Variants in FAM81A observed in about 807,000 individuals in gnomAD.
FAM81A encodes family with sequence similarity 81 member A.
Under a neutral mutation model 46.7 loss-of-function variants are expected in FAM81A, and 19 were observed. The ratio of observed to expected loss-of-function variants is 0.41; its 90% CI spans 0.28 to 0.60. The LOEUF (loss-of-function observed/expected upper bound fraction) is 0.60, where lower values mean the gene tolerates loss of function less well. Among genes scored for constraint, FAM81A ranks in the 20% least tolerant of loss-of-function variants. The probability of loss-of-function intolerance (pLI) is 0.34; values close to 1 mark genes in which losing one functional copy is unlikely to be tolerated. For missense variants in FAM81A, 377 were observed against 453.5 expected, an observed-to-expected ratio of 0.83 and a Z score of 1.53; for synonymous variants, 183 against 152.9, an observed-to-expected ratio of 1.20 and a Z score of -1.45.
chr15:59,442,808 CACAT>C (rs1221142191), intron 1 of FAM81A, among the ~76,000 whole-genome samples: 7 of 152,120 alleles, frequency 4.6e-5, no homozygotes, highest in Non-Finnish European at 7.3e-5. Flanking sequence ...TTTATTCACA[CACAT>C]ATGTATGAAC....
chr15:59,489,636 C>G (rs916578685), intron 3 of FAM81A, among the ~76,000 whole-genome samples: 1 of 152,142 alleles, frequency 6.6e-6, no homozygotes, highest in Non-Finnish European at 1.5e-5. Flanking sequence ...GGAGAGGTCA[C>G]ATTACCTGAC....
At chr15:59,475,861 GAATTGCTGTCTTATAGCCAAACTT>G (rs1324492213) in intron 3 of FAM81A, among the ~76,000 whole-genome samples, 2 of 152,208 alleles carry the variant, frequency 1.3e-5, no homozygotes, top group African/African-American at 4.8e-5. Flanking sequence ...TGACAGATCA[GAATTGCTGTCTTATAGCCAAACTT>G]CATTAAAATG....
chr15:59,463,693 T>C (rs1310805539), intron 3 of FAM81A, among the ~76,000 whole-genome samples: 1 of 151,568 alleles, frequency 6.6e-6, no homozygotes, highest in African/African-American at 2.4e-5. Flanking sequence ...AAAATAACAA[T>C]AATAATAATA....
upstream of FAM81A, among the ~76,000 whole-genome samples, chr15:59,436,295 C>G (rs1291461754): frequency 2.0e-5 from 3 of 152,004 alleles, no homozygotes; most frequent in Non-Finnish European, 4.4e-5. Context: ...GGCACTTCCT[C>G]TGTTTTATAG....
At position 59,466,084 on chromosome 15, in the gene FAM81A, ACATTTTCTTAATCCAGTCTAT is replaced by A. The variant is rs546832740; in HGVS notation, c.294+5881_294+5901del. 1.9e-4 allele frequency among the ~76,000 whole-genome samples: 29 copies of A among 152,346 alleles called. No homozygotes were observed. In the South Asian group the frequency reaches 6.0e-3, roughly 32 times the overall value. ...TAGTATTTCATGGTGTATATGTGCC[ACATTTTCTTAATCCAGTCTAT>A]CACTGATGGACATTTGGGTTGGTTC... is the stretch of plus-strand genomic sequence containing the variant. On this transcript the variant is annotated intron_variant, in intron 3 of 8. Transcript: ENST00000288228.
chr15:59,495,474 G>A (rs1221655732), intron 4 of FAM81A, among the ~76,000 whole-genome samples: 1 of 152,194 alleles, frequency 6.6e-6, no homozygotes, highest in Non-Finnish European at 1.5e-5. Context: ...ATGCTGCTGT[G>A]AACATTTGTC....
At chr15:59,448,399 C>G (rs1199341441) in intron 1 of FAM81A, among the ~76,000 whole-genome samples, 1 of 152,084 alleles carries the variant, frequency 6.6e-6, no homozygotes, top group Non-Finnish European at 1.5e-5. Flanking sequence ...TTGCAGTGTC[C>G]TTTAAACTCA....
At chr15:59,480,596 G>T (rs1034664663) in intron 3 of FAM81A, among the ~76,000 whole-genome samples, 3 of 152,136 alleles carry the variant, frequency 2.0e-5, no homozygotes, top group Non-Finnish European at 4.4e-5. Context: ...TTTATTGTGT[G>T]CACCTGGACA....
At chr15:59,487,663 G>C (rs1412048606) in intron 3 of FAM81A, among the ~76,000 whole-genome samples, 1 of 152,000 alleles carries the variant, frequency 6.6e-6, no homozygotes, top group Non-Finnish European at 1.5e-5. Flanking sequence ...AGAAGAAATG[G>C]ATAAATTCTT....
intron 3 of FAM81A, among the ~76,000 whole-genome samples, chr15:59,481,154 T>C (rs938859422): frequency 2.0e-5 from 3 of 151,860 alleles, no homozygotes; most frequent in African/African-American, 7.3e-5. Context: ...ACCACAACTC[T>C]TGGCTAATTA....
intron 3 of FAM81A, among the ~76,000 whole-genome samples, chr15:59,472,997 G>A (rs1016138106): frequency 6.6e-6 from 1 of 152,094 alleles, no homozygotes; most frequent in East Asian, 1.9e-4. Flanking sequence ...GTACAAAATT[G>A]AAGAACCCCA....
chr15:59,493,370 CCTT>C (rs367865331), intron 4 of FAM81A, among the ~76,000 whole-genome samples: 20 of 152,282 alleles, frequency 1.3e-4, no homozygotes, highest in African/African-American at 4.3e-4. Context: ...TGATCACTCT[CCTT>C]CTGTGATTTT....
intron 2 of FAM81A, among the ~76,000 whole-genome samples, chr15:59,421,534 T>C (rs17302379): frequency 0.18 from 28,125 of 152,108 alleles, 3,292 homozygotes; most frequent in South Asian, 0.38. Flanking sequence ...TTCTGCTCTT[T>C]TGTCTAAAAT....
chr15:59,482,756 A>G (rs1269962626), intron 3 of FAM81A, among the ~76,000 whole-genome samples: 1 of 152,254 alleles, frequency 6.6e-6, no homozygotes, highest in Non-Finnish European at 1.5e-5. Flanking sequence ...ACATACAAAA[A>G]GAATAAGTGT....
At chr15:59,415,942 A>G (rs1267832431) in intron 2 of FAM81A, among the ~76,000 whole-genome samples, 1 of 152,234 alleles carries the variant, frequency 6.6e-6, no homozygotes, top group Non-Finnish European at 1.5e-5. Context: ...TGGGAGGGTC[A>G]CAGACTGGGT....
At chr15:59,495,375 C>T (rs543893078) in intron 4 of FAM81A, among the ~76,000 whole-genome samples, 35 of 152,344 alleles carry the variant, frequency 2.3e-4, no homozygotes, top group African/African-American at 8.4e-4. Flanking sequence ...CTTGTTATGG[C>T]TGCATAGTAC....
At chr15:59,505,904 A>G (rs1273468013) in intron 4 of FAM81A, among the ~76,000 whole-genome samples, 3 of 152,202 alleles carry the variant, frequency 2.0e-5, no homozygotes, top group Non-Finnish European at 2.9e-5. Context: ...GTCTCTAACC[A>G]TTAGCCACTT....
chr15:59,432,297 G>C (rs894608853), intron 2 of FAM81A, among the ~76,000 whole-genome samples: 37 of 152,214 alleles, frequency 2.4e-4, no homozygotes, highest in African/African-American at 8.9e-4. Flanking sequence ...TCACTCCTTT[G>C]CTAGTGCAGA....
At chr15:59,480,666 G>A (rs1222985901) in intron 3 of FAM81A, among the ~76,000 whole-genome samples, 1 of 152,074 alleles carries the variant, frequency 6.6e-6, no homozygotes, top group Non-Finnish European at 1.5e-5. Context: ...CTCCCTGAGG[G>A]TATGCCTGAT....
Sources: gnomAD v4.1 joint callset for allele counts (sites outside exome capture counted in the v4.1 genomes callset) on GRCh38, gnomAD v4.1.1 for gene constraint, MANE v1.5 for transcripts, NCBI Gene and HGNC (gene_info 2026-07-23, HGNC 2026-07-21) for gene names.